Variants in DNAH6 observed in about 807,000 individuals in gnomAD.
The protein encoded by DNAH6 is dynein axonemal heavy chain 6.
DNAH6 carries 340 observed loss-of-function variants against 491.4 expected under a neutral mutation model. That is an observed-to-expected ratio of 0.69 (90% CI 0.63 to 0.76). DNAH6 has a LOEUF of 0.76. Among genes scored for constraint, DNAH6 ranks in the 30% least tolerant of loss-of-function variants. The pLI is 0.00. For missense variants in DNAH6, 4,443 were observed against 4,972.2 expected (o/e 0.89, Z 3.20); for synonymous variants, 1,603 against 1,686.1 (o/e 0.95, Z 1.21).
intron 46 of DNAH6, among the ~76,000 whole-genome samples, chr2:84,697,294 T>G (rs1695486035): frequency 6.6e-6 from 1 of 152,170 alleles, no homozygotes; most frequent in Non-Finnish European, 1.5e-5. Context: ...TATGGGTTAG[T>G]ATTAATGATA....
chr2:84,514,439 C>A (rs1438945910), upstream of DNAH6, among the ~76,000 whole-genome samples: 3 of 152,116 alleles, frequency 2.0e-5, no homozygotes, highest in Non-Finnish European at 4.4e-5. Flanking sequence ...TGGAATAGCA[C>A]CCATCACAAA....
intron 18 of DNAH6, among the ~76,000 whole-genome samples, chr2:84,597,797 G>A (rs1417472525): frequency 6.6e-6 from 1 of 152,198 alleles, no homozygotes; most frequent in Non-Finnish European, 1.5e-5. Context: ...AAATTAAGTT[G>A]TATGTGCAAC....
At chr2:84,808,129 A>ATG (rs1228550665) in intron 71 of DNAH6, among the ~76,000 whole-genome samples, 121 of 122,144 alleles carry the variant, frequency 9.9e-4, no homozygotes, top group African/African-American at 1.0e-3. Context: ...AAGTGTATAT[A>ATG]TATGTGTGTG....
intron 33 of DNAH6, among the ~76,000 whole-genome samples, chr2:84,649,614 C>T (rs949631295): frequency 1.3e-5 from 2 of 152,198 alleles, no homozygotes; most frequent in Admixed American, 1.3e-4. Context: ...TTCCCAGGTA[C>T]ACCATGAAAT....
chr2:84,605,800 G>A (rs1685701001), intron 20 of DNAH6, among the ~76,000 whole-genome samples: 1 of 152,178 alleles, frequency 6.6e-6, no homozygotes, highest in Admixed American at 6.5e-5. Flanking sequence ...TCATATATAT[G>A]TAAGAGTTGC....
intron 11 of DNAH6, among the ~76,000 whole-genome samples, chr2:84,559,763 TA>T (rs1156322101): frequency 7.9e-5 from 12 of 152,110 alleles, no homozygotes; most frequent in African/African-American, 2.9e-4. Context: ...CACACTGAAG[TA>T]AATATTCTCA....
upstream of DNAH6, among the ~76,000 whole-genome samples, chr2:84,512,953 A>G (rs963039208): frequency 1.3e-5 from 2 of 152,168 alleles, no homozygotes; most frequent in East Asian, 1.9e-4. Context: ...TGATAGGTTT[A>G]ATCAATTTCC....
At chr2:84,620,015 C>A (rs984256254) in intron 24 of DNAH6, 111 bp downstream of exon 24, 2 of 976,104 alleles carry the variant, frequency 2.0e-6, no homozygotes, top group Non-Finnish European at 3.0e-6. Context: ...TCAAGGATAA[C>A]CAAGATAAAA....
chr2:84,583,389 C>T (rs1253592140), intron 14 of DNAH6, among the ~76,000 whole-genome samples: 1 of 152,134 alleles, frequency 6.6e-6, no homozygotes, highest in Non-Finnish European at 1.5e-5. Context: ...AAGAACAAAA[C>T]AGAAAAAAAG....
chr2:84,653,340 T>C lies in DNAH6; in HGVS notation c.5100T>C (p.Phe1700=), dbSNP rs1260049475. 11 of 1,536,692 alleles carry C rather than the reference T, an allele frequency of 7.2e-6. No individual in the cohort carries two copies. Among genetic ancestry groups the C allele is most frequent in the Non-Finnish European group, 8.8e-6 (10 of 1,138,224 alleles). Residue 1700 remains phenylalanine, a synonymous_variant, in exon 34 of 77, where the codon TTT becomes TTC. Coordinates refer to ENST00000389394, the MANE Select transcript of DNAH6 (RefSeq NM_001370.2). ...ACAGTGGAATCATATCTGACCTTTT[T>C]CCTGGAGTCCAAATTCCAGAACATG... ...LLFSGIISDL[F]PGVQIPEHDY...
At chr2:84,588,759 C>A (rs1014728094) in intron 15 of DNAH6, 67 bp from the exon 16 acceptor site, 2 of 1,267,708 alleles carry the variant, frequency 1.6e-6, no homozygotes, top group African/African-American at 1.5e-5. Context: ...TTTATTAATT[C>A]ATTTAATTTA....
chr2:84,716,391 T>C (rs1246098451), intron 58 of DNAH6, among the ~76,000 whole-genome samples: 2 of 151,900 alleles, frequency 1.3e-5, no homozygotes, highest in African/African-American at 4.8e-5. Flanking sequence ...TATGTATGTA[T>C]ATAGGAATAC....
At chr2:84,505,079 C>G in the DNAH6 span, among the ~76,000 whole-genome samples, 1 of 152,104 alleles carries the variant, frequency 6.6e-6, no homozygotes, top group Non-Finnish European at 1.5e-5. Context: ...GTCTTTGATT[C>G]AATTTATTTC....
rs140580168 is a variant in DNAH6, at chr2:84,542,659, T to C, written c.663-1574T>C. ...CATTCTGGTCCCGTGTGCCATAATTTTAAAAATATTTTTGTTACTCAGTTT... is the reference window on the plus strand; with the variant it reads ...CATTCTGGTCCCGTGTGCCATAATTCTAAAAATATTTTTGTTACTCAGTTT... On this transcript the variant is annotated intron_variant, in intron 4 of 76. Transcript: ENST00000389394. Among the ~76,000 whole-genome samples, 603 of 152,312 alleles carry C rather than the reference T, an allele frequency of 4.0e-3. 1 individual carries two copies. Among genetic ancestry groups the C allele is most frequent in the Non-Finnish European group, 7.6e-3 (514 of 68,030 alleles).
intron 72 of DNAH6, among the ~76,000 whole-genome samples, chr2:84,810,259 A>C (rs1679833805): frequency 6.6e-6 from 1 of 152,200 alleles, no homozygotes; most frequent in Admixed American, 6.5e-5. Context: ...ATTTCTTAAA[A>C]ACAAGGGAGA....
chr2:84,658,704 T>G (rs1227049669), intron 36 of DNAH6, among the ~76,000 whole-genome samples: 6 of 152,114 alleles, frequency 3.9e-5, no homozygotes, highest in Non-Finnish European at 8.8e-5. Context: ...CTACAACATA[T>G]TCCCAATACA....
chr2:84,500,414 G>A, the DNAH6 span, among the ~76,000 whole-genome samples: 3 of 152,152 alleles, frequency 2.0e-5, no homozygotes, highest in Non-Finnish European at 4.4e-5. Context: ...CCAGTACCAT[G>A]CTGTTATGGT....
chr2:84,595,682 G>C lies in DNAH6; in HGVS notation c.2761G>C (p.Gly921Arg). The change falls in exon 18 of 77, where the codon GGT (glycine) becomes CGT (arginine). Residue 921 changes from glycine (G) to arginine (R), a missense_variant. This residue lies in a region of DNAH6 where 2,977 missense variants were observed against 3,296.6 expected (regional missense o/e 0.90). Coordinates refer to ENST00000389394, the MANE Select transcript of DNAH6 (RefSeq NM_001370.2). The stretch of plus-strand genomic sequence containing the variant: ...TTGCCTGGATCCAGAAGTCCTAAAC[G>C]GTCAAGTTTCTAAATATGCTAAATT... ...FDCLDPEVLNGQVSKYAKFVT... is the reference protein window; with the variant it reads ...FDCLDPEVLNRQVSKYAKFVT... 1 of 1,550,308 alleles carries C rather than the reference G, an allele frequency of 6.5e-7. No individual in the cohort carries two copies. The highest frequency in any genetic ancestry group is 8.7e-7 in the Non-Finnish European group (1 of 1,146,414).
rs372807364 is a variant in DNAH6 at position 84,745,596 on chromosome 2, G to A, written c.10512+347G>A. On this transcript the variant is annotated intron_variant, in intron 63 of 76. Transcript: ENST00000389394. ...CAGGAGAATGGCATGAACCCAGGAG[G>A]CAGAGCTTGCAGTGAGCCGAGATCG... 1.1e-4 allele frequency among the ~76,000 whole-genome samples: 16 copies of A among 151,200 alleles called. 1 individual carries two copies. Among genetic ancestry groups the A allele is most frequent in the African/African-American group, 3.6e-4 (15 of 41,096 alleles).
Sources: gnomAD v4.1 joint callset for allele counts (sites outside exome capture counted in the v4.1 genomes callset) on GRCh38, gnomAD v4.1.1 for gene constraint, gnomAD v4.1.1 regional missense constraint, MANE v1.5 for transcripts, NCBI Gene and HGNC (gene_info 2026-07-23, HGNC 2026-07-21) for gene names.